The following L3HYPDH variants were observed in gnomAD, a reference collection of about 807,000 sequenced individuals.
L3HYPDH encodes trans-L-3-hydroxyproline dehydratase.
Under a neutral mutation model 26.5 loss-of-function variants are expected in L3HYPDH, and 32 were observed. That is an observed-to-expected ratio of 1.21 (90% CI 0.91 to 1.62). The LOEUF (loss-of-function observed/expected upper bound fraction) is 1.62, where lower values mean the gene tolerates loss of function less well. L3HYPDH is among the 40% of genes most tolerant of loss of function. The pLI, the probability that L3HYPDH is intolerant of heterozygous loss-of-function variation, is 0.00. For synonymous variants in L3HYPDH, 215 were observed against 196.6 expected, an observed-to-expected ratio of 1.09 and a Z score of -0.78; for missense variants, 554 against 476.4, an observed-to-expected ratio of 1.16 and a Z score of -1.52.
the L3HYPDH span, among the ~76,000 whole-genome samples, chr14:59,502,912 T>G: frequency 1.3e-5 from 2 of 151,656 alleles, no homozygotes; most frequent in African/African-American, 4.8e-5. Context: ...CCACCACACC[T>G]GGCTAATTTT....
At chr14:59,478,378 A>C (rs1889779143) in intron 2 of L3HYPDH, among the ~76,000 whole-genome samples, 1 of 152,126 alleles carries the variant, frequency 6.6e-6, no homozygotes, top group South Asian at 2.1e-4. Flanking sequence ...ATCCTGGGCA[A>C]CATAGTGACA....
At chr14:59,500,597 A>C in the L3HYPDH span, among the ~76,000 whole-genome samples, 7 of 152,198 alleles carry the variant, frequency 4.6e-5, no homozygotes, top group Non-Finnish European at 4.4e-5. Context: ...CTAAAGATTA[A>C]TTAAAGCTGA....
chr14:59,496,988 T>C, the L3HYPDH span, among the ~76,000 whole-genome samples: 1 of 150,666 alleles, frequency 6.6e-6, no homozygotes, highest in Non-Finnish European at 1.5e-5. Flanking sequence ...CTACCACAAG[T>C]CATAGTAATT....
chr14:59,484,281 CG>C lies in L3HYPDH; in HGVS notation c.35del (p.Pro12ArgfsTer69). The C allele has an allele frequency of 1.3e-6, 2 of 1,592,744 alleles. No individual in the cohort carries two copies. The highest frequency in any genetic ancestry group is 1.7e-6 in the Non-Finnish European group (2 of 1,176,918). On this transcript the variant is annotated frameshift_variant, in exon 1 of 5. Coordinates refer to ENST00000247194, the MANE Select transcript of L3HYPDH (RefSeq NM_144581.2). LOFTEE classifies it high-confidence loss of function. Reference sequence around the variant, plus strand: ...ACAGCACCGGCGTCCCTGGATCATGCGGGGGCAGCCGGGGCACCGCCAGCGC... The same window carrying C: ...ACAGCACCGGCGTCCCTGGATCATGCGGGGCAGCCGGGGCACCGCCAGCGC... Reference protein sequence around the residue: ...ESALAVPRLPPHDPGTPVLSV... With the variant: ...ESALAVPRLPXHDPGTPVLSV...
At chr14:59,486,700 TG>T (rs1384096479), upstream of L3HYPDH, 1 of 1,547,544 alleles carries the variant, frequency 6.5e-7, no homozygotes, top group Admixed American at 1.9e-5. Flanking sequence ...TACTGGCATT[TG>T]TTTTTAAAAA....
chr14:59,482,045 T>C (rs990123431), intron 1 of L3HYPDH, among the ~76,000 whole-genome samples: 1 of 152,190 alleles, frequency 6.6e-6, no homozygotes, highest in Non-Finnish European at 1.5e-5. Context: ...AGTTACTCAT[T>C]CAACAAACAT....
the L3HYPDH span, chr14:59,505,044 A>G: frequency 2.6e-6 from 1 of 386,250 alleles, no homozygotes; most frequent in Non-Finnish European, 4.6e-6. Context: ...TTAGCTCTTA[A>G]CCTAACAACC....
upstream of L3HYPDH, chr14:59,486,538 C>T (rs1594929686): frequency 5.0e-6 from 3 of 595,730 alleles, no homozygotes; most frequent in South Asian, 2.0e-5. Context: ...TAACTGTCTG[C>T]AGTGTCACAG....
At chr14:59,479,421 AT>A in intron 1 of L3HYPDH, 70 bp from the exon 2 acceptor site, 1 of 1,338,368 alleles carries the variant, frequency 7.5e-7, no homozygotes, top group Admixed American at 2.3e-5. Context: ...AATTCAAAGG[AT>A]TTTTAATATG....
Position 59,484,292 on chromosome 14 carries a change from G to C in L3HYPDH, c.25C>G (p.Arg9Gly). 1.9e-6 allele frequency: 3 copies of C among 1,592,224 alleles called. No individual in the cohort carries two copies. Among genetic ancestry groups the C allele is most frequent in the Non-Finnish European group, 1.7e-6 (2 of 1,176,624 alleles). The change falls in exon 1 of 5, where the codon CGG becomes GGG. Residue 9 changes from arginine (R) to glycine (G), a missense_variant. Arg to Gly is a moderately radical substitution (Grantham distance 125). Coordinates refer to ENST00000247194, the MANE Select transcript of L3HYPDH (RefSeq NM_144581.2). ...GTCCCTGGATCATGCGGGGGCAGCCGGGGCACCGCCAGCGCGCTCTCCATG... is the reference window on the plus strand; with the variant it reads ...GTCCCTGGATCATGCGGGGGCAGCCCGGGCACCGCCAGCGCGCTCTCCATG... Reference protein sequence around the residue: MESALAVPRLPPHDPGTPV... With the variant: MESALAVPGLPPHDPGTPV...
Position 59,483,928 on chromosome 14 carries a change from T to C in L3HYPDH, c.389A>G (p.Glu130Gly). ...GGGGCAGTGGATATTGACGCGGGCCTCGCGGGTGCCCGCAGGGGGCGCCGG... is the reference window on the plus strand; with the variant it reads ...GGGGCAGTGGATATTGACGCGGGCCCCGCGGGTGCCCGCAGGGGGCGCCGG... ...LVPAPPAGTREARVNIHCPCG... is the reference protein window; with the variant it reads ...LVPAPPAGTRGARVNIHCPCG... Residue 130 changes from glutamate (E) to glycine (G), a missense_variant, in exon 1 of 5, where the codon GAG becomes GGG. Coordinates refer to ENST00000247194, the MANE Select transcript of L3HYPDH (RefSeq NM_144581.2). 1 of 1,555,228 alleles carries C rather than the reference T, an allele frequency of 6.4e-7. No homozygotes were observed. Among genetic ancestry groups the C allele is most frequent in the East Asian group, 2.4e-5 (1 of 41,990 alleles).
chr14:59,473,817 G>A (rs191332292), intron 4 of L3HYPDH, among the ~76,000 whole-genome samples: 1 of 152,068 alleles, frequency 6.6e-6, no homozygotes, highest in African/African-American at 2.4e-5. Context: ...GAAGGAAGGT[G>A]GGGATGAAGT....
chr14:59,478,990 C>T, intron 2 of L3HYPDH, 192 bp downstream of exon 2: 1 of 462,954 alleles, frequency 2.2e-6, no homozygotes. Flanking sequence ...TCAAAGCCAT[C>T]CTGGGCTGCA....
upstream of L3HYPDH, among the ~76,000 whole-genome samples, chr14:59,488,087 T>C (rs1274306234): frequency 2.0e-5 from 3 of 152,144 alleles, no homozygotes; most frequent in East Asian, 1.9e-4. Context: ...ATAATCCTTA[T>C]TGGTTTTCTA....
chr14:59,484,293 G>T lies in L3HYPDH; in HGVS notation c.24C>A (p.Pro8=). ...TCCCTGGATCATGCGGGGGCAGCCG[G>T]GGCACCGCCAGCGCGCTCTCCATGG... MESALAV[P]RLPPHDPGTP... The change falls in exon 1 of 5, where the codon CCC becomes CCA. Residue 8 remains proline, a synonymous_variant. Transcript: ENST00000247194. 1 of 1,592,276 alleles carries T rather than the reference G, an allele frequency of 6.3e-7. No homozygotes were observed. The highest frequency in any genetic ancestry group is 8.5e-7 in the Non-Finnish European group (1 of 1,176,672).
At chr14:59,496,324 T>G in the L3HYPDH span, among the ~76,000 whole-genome samples, 3 of 151,316 alleles carry the variant, frequency 2.0e-5, no homozygotes, top group African/African-American at 4.8e-5. Flanking sequence ...ATTCATTGAT[T>G]CGTAGAGCTT....
intron 1 of L3HYPDH, among the ~76,000 whole-genome samples, chr14:59,467,108 A>T (rs1197749355): frequency 6.6e-6 from 1 of 152,190 alleles, no homozygotes; most frequent in Non-Finnish European, 1.5e-5. Context: ...GCCACCGGCC[A>T]ACACAGTATA....
the L3HYPDH span, among the ~76,000 whole-genome samples, chr14:59,492,779 CTA>C: frequency 1.3e-5 from 2 of 150,556 alleles, no homozygotes; most frequent in Non-Finnish European, 2.9e-5. Flanking sequence ...AAAATAGAGA[CTA>C]TGAAGGAGAG....
rs1255978918 is a variant in L3HYPDH at position 59,484,198 on chromosome 14, G to T, written c.119C>A (p.Pro40Gln). ...EPLRIVLAGC[P>Q]EVSGPTLLAK... The stretch of plus-strand genomic sequence containing the variant: ...CAGCAGGGTGGGCCCAGACACCTCC[G>T]GACACCCCGCCAGCACGATACGCAA... The change falls in exon 1 of 5, where the codon CCG (proline) becomes CAG (glutamine). Residue 40 changes from proline to glutamine, a missense_variant. Transcript: ENST00000247194. 1 of 1,598,782 alleles carries T rather than the reference G, an allele frequency of 6.3e-7. No homozygotes were observed. Among genetic ancestry groups the T allele is most frequent in the East Asian group, 2.2e-5 (1 of 44,840 alleles).
Sources: allele counts gnomAD v4.1 joint callset (sites outside exome capture counted in the v4.1 genomes callset), GRCh38; gene constraint gnomAD v4.1.1; transcripts MANE v1.5; gene names NCBI Gene and HGNC (gene_info 2026-07-23, HGNC 2026-07-21).